LINGO2: variants seen among roughly 807,000 people sequenced by gnomAD.
LINGO2 encodes the protein leucine-rich repeat and immunoglobulin-like domain-containing nogo receptor-interacting protein 2.
A neutral mutation model predicts 30.6 loss-of-function variants in LINGO2; 14 were observed. That is an observed-to-expected ratio of 0.46 (90% confidence interval 0.30 to 0.72). The LOEUF is 0.72. LINGO2 is among the 30% of genes least tolerant of loss of function. The probability of loss-of-function intolerance (pLI) is 0.07; values close to 1 mark genes in which losing one functional copy is unlikely to be tolerated. For synonymous variants in LINGO2, 317 were observed against 288.5 expected (o/e 1.10, Z -1.00); for missense variants, 729 against 751.7 (o/e 0.97, Z 0.35).
the LINGO2 span, among the ~76,000 whole-genome samples, chr9:28,945,997 T>C: frequency 6.6e-6 from 1 of 152,180 alleles, no homozygotes. Flanking sequence ...TTCTGGAAGA[T>C]TCCAAAAAGT....
At chr9:28,994,844 C>A in the LINGO2 span, among the ~76,000 whole-genome samples, 1 of 152,100 alleles carries the variant, frequency 6.6e-6, no homozygotes, top group African/African-American at 2.4e-5. Flanking sequence ...GGATCCCTTC[C>A]TTACACCTTA....
chr9:27,950,177 C>T lies in LINGO2; in HGVS notation c.495G>A (p.Leu165=), dbSNP rs200287354. Reference sequence around the variant, plus strand: ...TGAATGCCCTGTGTGATATATAAACCAAATCATTGTCCCCCACTTCTAGAG... The same window carrying T: ...TGAATGCCCTGTGTGATATATAAACTAAATCATTGTCCCCCACTTCTAGAG... The change falls in exon 6 of 6, where the codon TTG becomes TTA. Residue 165 remains leucine, a synonymous_variant. Coordinates refer to ENST00000379992, the Ensembl canonical transcript of LINGO2. The T allele has an allele frequency of 6.8e-6, 11 of 1,614,016 alleles. No individual in the cohort carries two copies. In the Admixed American group the frequency reaches 1.7e-4, roughly 24 times the overall value.
At chr9:28,664,573 G>C (rs766624195) in intron 1 of LINGO2, among the ~76,000 whole-genome samples, 5 of 152,060 alleles carry the variant, frequency 3.3e-5, no homozygotes, top group Non-Finnish European at 7.4e-5. Context: ...GGATGACTGG[G>C]CTTCTCCTGT....
At chr9:28,489,791 C>T (rs1040032112) in intron 1 of LINGO2, among the ~76,000 whole-genome samples, 5 of 149,068 alleles carry the variant, frequency 3.4e-5, no homozygotes, top group East Asian at 2.0e-4. Flanking sequence ...TCAGCTACTC[C>T]GGAGGCTGAG....
intron 3 of LINGO2, among the ~76,000 whole-genome samples, chr9:28,366,180 G>T (rs976888466): frequency 5.3e-5 from 8 of 152,130 alleles, no homozygotes; most frequent in African/African-American, 1.9e-4. Flanking sequence ...CTTCCCTGGT[G>T]GTTGTTGCAT....
At chr9:28,412,004 A>G (rs1029245685) in intron 2 of LINGO2, among the ~76,000 whole-genome samples, 2 of 152,002 alleles carry the variant, frequency 1.3e-5, no homozygotes, top group African/African-American at 4.8e-5. Flanking sequence ...GATGAATTGT[A>G]TAATGGTGAA....
In LINGO2 at chr9:28,043,719, T is replaced by C. The variant is rs140302483; in HGVS notation, c.-86-31314A>G. The stretch of plus-strand genomic sequence containing the variant: ...AATTTTGTTTCATCTACCACCTTTC[T>C]TGTCCCCACCCAATCCTCCACCTCA... On this transcript the variant is annotated intron_variant, in intron 4 of 5. Transcript: ENST00000379992. Among the ~76,000 whole-genome samples the C allele has an allele frequency of 5.8e-3, 885 of 152,270 alleles. 20 individuals are homozygous for C. In the South Asian group the frequency reaches 0.069, roughly 12 times the overall value.
intron 4 of LINGO2, among the ~76,000 whole-genome samples, chr9:28,292,717 G>A (rs964742063): frequency 4.0e-5 from 6 of 151,812 alleles, no homozygotes; most frequent in Admixed American, 3.3e-4. Context: ...ACCTGCCTAG[G>A]TCTCCCAAAG....
chr9:28,671,383 T>C (rs1829002208), upstream of LINGO2, among the ~76,000 whole-genome samples: 1 of 151,864 alleles, frequency 6.6e-6, no homozygotes, highest in Non-Finnish European at 1.5e-5. Context: ...TAAACCTAAA[T>C]GCTCATCAGT....
the LINGO2 span, among the ~76,000 whole-genome samples, chr9:28,907,175 G>T: frequency 6.6e-6 from 1 of 151,812 alleles, no homozygotes; most frequent in East Asian, 1.9e-4. Flanking sequence ...AAGTTAATCT[G>T]CATGATTAAA....
At chr9:28,610,602 G>A (rs970610702) in intron 1 of LINGO2, among the ~76,000 whole-genome samples, 15 of 152,088 alleles carry the variant, frequency 9.9e-5, no homozygotes, top group African/African-American at 3.6e-4. Context: ...AGGTTTCATC[G>A]TGAAAGCAGA....
chr9:29,181,191 C>T, the LINGO2 span, among the ~76,000 whole-genome samples: 1 of 152,162 alleles, frequency 6.6e-6, no homozygotes, highest in African/African-American at 2.4e-5. Context: ...AGTAGCGTGA[C>T]TTTGAACAAT....
chr9:28,198,570 C>A (rs995614233), intron 4 of LINGO2, among the ~76,000 whole-genome samples: 4 of 151,996 alleles, frequency 2.6e-5, no homozygotes, highest in African/African-American at 9.7e-5. Flanking sequence ...TTAAATATGC[C>A]AAGTGAGTTT....
the LINGO2 span, among the ~76,000 whole-genome samples, chr9:28,894,151 T>C: frequency 6.6e-6 from 1 of 152,272 alleles, no homozygotes; most frequent in South Asian, 2.1e-4. Context: ...CAGTCTATCA[T>C]TGTTGGACAT....
chr9:28,139,014 C>A (rs746086532), intron 4 of LINGO2, among the ~76,000 whole-genome samples: 1 of 152,154 alleles, frequency 6.6e-6, no homozygotes, highest in Non-Finnish European at 1.5e-5. Context: ...TCAAAAAGGC[C>A]TGGCTTCTAG....
intron 3 of LINGO2, among the ~76,000 whole-genome samples, chr9:28,309,201 G>T (rs1368855315): frequency 6.6e-6 from 1 of 152,078 alleles, no homozygotes; most frequent in Non-Finnish European, 1.5e-5. Flanking sequence ...AACGAAGATA[G>T]ACTGGATTAA....
At chr9:28,135,470 T>G (rs1416423967) in intron 4 of LINGO2, among the ~76,000 whole-genome samples, 1 of 151,244 alleles carries the variant, frequency 6.6e-6, no homozygotes, top group Non-Finnish European at 1.5e-5. Context: ...AACAATACCA[T>G]CTATTGTTTT....
intron 3 of LINGO2, among the ~76,000 whole-genome samples, chr9:28,331,463 G>A (rs2134345966): frequency 6.6e-6 from 1 of 152,184 alleles, no homozygotes; most frequent in African/African-American, 2.4e-5. Context: ...TACATTTTCT[G>A]ATGCATATAA....
At chr9:28,507,036 T>A (rs1469752074) in intron 1 of LINGO2, among the ~76,000 whole-genome samples, 1 of 152,114 alleles carries the variant, frequency 6.6e-6, no homozygotes, top group Non-Finnish European at 1.5e-5. Context: ...GAATCTTGTT[T>A]CCACATTTAC....
Sources: gnomAD v4.1 joint callset for allele counts (sites outside exome capture counted in the v4.1 genomes callset) on GRCh38, gnomAD v4.1.1 for gene constraint, MANE v1.5 for transcripts, NCBI Gene and HGNC (gene_info 2026-07-23, HGNC 2026-07-21) for gene names.